ZNF217: variants seen among roughly 807,000 people sequenced by gnomAD.
ZNF217 encodes the protein zinc finger protein 217.
A neutral mutation model predicts 73.3 loss-of-function variants in ZNF217; 12 were observed. The observed-to-expected ratio is 0.16, with a 90% CI of 0.10 to 0.27. The LOEUF (loss-of-function observed/expected upper bound fraction) is 0.27, where lower values mean the gene tolerates loss of function less well. ZNF217 is among the 10% of genes least tolerant of loss of function. ZNF217 has a pLI of 1.00. For missense variants in ZNF217, 1,195 were observed against 1,327.8 expected (o/e 0.90, Z 1.55); for synonymous variants, 588 against 516.4 (o/e 1.14, Z -1.88).
At position 53,567,431 on chromosome 20, in the gene ZNF217, A is replaced by C. The variant is rs538278367; in HGVS notation, c.*1857T>G. The C allele has an allele frequency of 6.6e-6, 1 of 152,636 alleles. No homozygotes were observed. The highest frequency in any genetic ancestry group is 2.4e-5 in the African/African-American group (1 of 41,448). The allele number at this position is 152,636 out of a possible 1,614,324, so 9.5% of individuals were successfully genotyped here. Reference sequence around the variant, plus strand: ...ATCTGAAAGCCCAAAAAATTCCAGCATAATACAAATCGACTTGTTTTCAAA... The same window carrying C: ...ATCTGAAAGCCCAAAAAATTCCAGCCTAATACAAATCGACTTGTTTTCAAA... On this transcript the variant is annotated 3_prime_UTR_variant, in exon 6 of 6. Coordinates refer to ENST00000371471, the MANE Select transcript of ZNF217 (RefSeq NM_006526.3).
intron 1 of ZNF217, among the ~76,000 whole-genome samples, chr20:53,593,382 T>C (rs1212824835): frequency 2.6e-5 from 4 of 151,624 alleles, no homozygotes; most frequent in South Asian, 2.1e-4. Context: ...ACTGGGCAAA[T>C]TGGGAGACCC....
At chr20:53,591,410 A>T (rs1240392387) in intron 1 of ZNF217, among the ~76,000 whole-genome samples, 1 of 152,368 alleles carries the variant, frequency 6.6e-6, no homozygotes, top group Middle Eastern at 3.4e-3. Flanking sequence ...CATCACGCCA[A>T]ATCATTAAAA....
chr20:53,573,930 G>A (rs1465385803), intron 4 of ZNF217, among the ~76,000 whole-genome samples: 1 of 152,022 alleles, frequency 6.6e-6, no homozygotes, highest in Non-Finnish European at 1.5e-5. Flanking sequence ...AATTAGGCTG[G>A]CGTGGCGGTG....
chr20:53,577,309 G>T (rs1237806265), intron 3 of ZNF217, 29 bp from the exon 4 acceptor site: 4 of 1,564,814 alleles, frequency 2.6e-6, no homozygotes, highest in Non-Finnish European at 3.5e-6. Flanking sequence ...CTTTATTATA[G>T]AAGTGTATGA....
chr20:53,576,980 G>T lies in ZNF217; in HGVS notation c.1784C>A (p.Ala595Glu). Residue 595 changes from alanine to glutamate, a missense_variant, in exon 4 of 6, where the codon GCA becomes GAA. By Grantham distance (107) the Ala-to-Glu change is moderately radical (BLOSUM62 -1). Around this residue, in one of 9 missense-constraint regions of ZNF217, gnomAD observed 649 missense variants for 642.8 expected, o/e 1.01. Transcript: ENST00000371471. The stretch of plus-strand genomic sequence containing the variant: ...ATGGAAATCCTGAGTATCTTTGTGT[G>T]CTGGTGAGAGGACAGCGCTGCCCAG... ...NVLGSAVLSPAHKDTQDFHKN... is the reference protein window; with the variant it reads ...NVLGSAVLSPEHKDTQDFHKN... The T allele has an allele frequency of 6.2e-7, 1 of 1,614,200 alleles. No individual in the cohort carries two copies. The highest frequency in any genetic ancestry group is 8.5e-7 in the Non-Finnish European group (1 of 1,180,040).
intron 1 of ZNF217, among the ~76,000 whole-genome samples, chr20:53,592,634 C>G (rs1480427599): frequency 1.3e-5 from 2 of 151,588 alleles, no homozygotes; most frequent in African/African-American, 4.8e-5. Context: ...CAGGTTCCGG[C>G]GCGCGCCCCG....
Position 53,582,032 on chromosome 20 carries a change from G to A in ZNF217, c.795C>T (p.Phe265=). 6.2e-7 allele frequency: 1 copy of A among 1,614,208 alleles called. No individual in the cohort carries two copies. The change falls in exon 2 of 6, where the codon TTC becomes TTT. Residue 265 remains phenylalanine (F), a synonymous_variant. Coordinates refer to ENST00000371471, the MANE Select transcript of ZNF217 (RefSeq NM_006526.3). This position sits in a 1 kb window ranked among gnomAD's most constrained non-coding sequence, Gnocchi z 4.8. ...QGGMPSSRED[F]LQLFNLRPKS... ...TTGGTCTCAAGTTGAACAACTGCAGGAAGTCCTCCCTCGAGGACGGCATTC... is the reference window on the plus strand; with the variant it reads ...TTGGTCTCAAGTTGAACAACTGCAGAAAGTCCTCCCTCGAGGACGGCATTC...
rs2145912457 is a variant in ZNF217 at position 53,568,027 on chromosome 20, T to C, written c.*1261A>G. 1 of 152,682 alleles carries C rather than the reference T, an allele frequency of 6.5e-6. No individual in the cohort carries two copies. The highest frequency in any genetic ancestry group is 2.4e-5 in the African/African-American group (1 of 41,576). The allele number at this position is 152,682 out of a possible 1,614,324, so 9.5% of individuals were successfully genotyped here. Reference sequence around the variant, plus strand: ...AGTTTAAAATATCTAGGAAGCCAGCTGGTGGCCATCTTCTCTAAAACCCAA... The same window carrying C: ...AGTTTAAAATATCTAGGAAGCCAGCCGGTGGCCATCTTCTCTAAAACCCAA... On this transcript the variant is annotated 3_prime_UTR_variant, in exon 6 of 6. Transcript: ENST00000371471.
intron 2 of ZNF217, among the ~76,000 whole-genome samples, chr20:53,580,231 C>T (rs1988434910): frequency 6.6e-6 from 1 of 152,186 alleles, no homozygotes. Context: ...CTGGCACTGG[C>T]TGAAGAGCAG....
In ZNF217 at chr20:53,576,230, G is replaced by A; in HGVS notation, c.2534C>T (p.Thr845Ile). 6.2e-7 allele frequency: 1 copy of A among 1,614,242 alleles called. No homozygotes were observed. Reference sequence around the variant, plus strand: ...CTTATCCGGTGCAGGGGAAACACTGGTTTTAGGAAACATCTCAGATTGCTG... The same window carrying A: ...CTTATCCGGTGCAGGGGAAACACTGATTTTAGGAAACATCTCAGATTGCTG... Reference protein sequence around the residue: ...RQQQSEMFPKTSVSPAPDKTK... With the variant: ...RQQQSEMFPKISVSPAPDKTK... The change falls in exon 4 of 6, where the codon ACC becomes ATC. Residue 845 changes from threonine to isoleucine, a missense_variant. Around this residue, in one of 9 missense-constraint regions of ZNF217, gnomAD observed 649 missense variants for 642.8 expected, o/e 1.01. Transcript: ENST00000371471.
At chr20:53,596,916 A>C (rs1989050069), upstream of ZNF217, among the ~76,000 whole-genome samples, 1 of 152,094 alleles carries the variant, frequency 6.6e-6, no homozygotes. Context: ...ATTTTTCACA[A>C]TCATCCAAAC....
At position 53,582,746 on chromosome 20, in the gene ZNF217, A is replaced by G; in HGVS notation, c.81T>C (p.Ser27=). ...YMDGPEVIGS[S]LGSPMEMEDA... ...CCTCCATCTCCATCGGACTGCCAAG[A>G]GAGCTGCCAATCACTTCTGGCCCAT... Residue 27 remains serine, a synonymous_variant, in exon 2 of 6, where the codon TCT becomes TCC. Transcript: ENST00000371471. The surrounding 1 kb of genome is among the most constrained non-coding windows in gnomAD (Gnocchi z 4.8). 6.2e-7 allele frequency: 1 copy of G among 1,614,168 alleles called. No individual in the cohort carries two copies. Among genetic ancestry groups the G allele is most frequent in the South Asian group, 1.1e-5 (1 of 91,082 alleles).
chr20:53,584,045 T>C (rs1036535505), intron 1 of ZNF217, among the ~76,000 whole-genome samples: 2 of 152,236 alleles, frequency 1.3e-5, no homozygotes, highest in Admixed American at 6.5e-5. Flanking sequence ...TTTTTTAATC[T>C]ACCTTTCACA....
At chr20:53,572,293 T>A (rs1276081831) in intron 4 of ZNF217, among the ~76,000 whole-genome samples, 2 of 152,028 alleles carry the variant, frequency 1.3e-5, no homozygotes, top group East Asian at 3.9e-4. Flanking sequence ...TAGTCCCAGC[T>A]ACTCGGGAGG....
At chr20:53,594,012 G>A (rs1264480572), upstream of ZNF217, among the ~76,000 whole-genome samples, 1 of 151,298 alleles carries the variant, frequency 6.6e-6, no homozygotes, top group Non-Finnish European at 1.5e-5. Context: ...CCGCCGAGGA[G>A]CCTAGTGCCT....
upstream of ZNF217, among the ~76,000 whole-genome samples, chr20:53,594,287 G>T (rs963570834): frequency 6.6e-6 from 1 of 151,242 alleles, no homozygotes; most frequent in South Asian, 2.1e-4. Context: ...CAGCTGTTGC[G>T]CCCTCCCTCG....
upstream of ZNF217, chr20:53,593,983 G>C (rs1385699135): frequency 6.6e-6 from 1 of 151,668 alleles, no homozygotes; most frequent in Non-Finnish European, 1.5e-5. Flanking sequence ...GGGGAGCCGC[G>C]GGCGAGGGGT....
At chr20:53,594,325 C>G (rs1988997304), upstream of ZNF217, among the ~76,000 whole-genome samples, 1 of 146,280 alleles carries the variant, frequency 6.8e-6, no homozygotes, top group African/African-American at 2.5e-5. Context: ...CGCCCCGCCC[C>G]CTGCCTTCAC....
At chr20:53,588,433 T>A (rs981906209) in intron 1 of ZNF217, among the ~76,000 whole-genome samples, 18 of 152,148 alleles carry the variant, frequency 1.2e-4, no homozygotes, top group African/African-American at 3.9e-4. Context: ...TACTACTACT[T>A]AACCAGTACA....
Sources: allele counts gnomAD v4.1 joint callset (sites outside exome capture counted in the v4.1 genomes callset), GRCh38; gene constraint gnomAD v4.1.1; regional missense constraint gnomAD v4.1.1; non-coding constraint Gnocchi (gnomAD v3.1); transcripts MANE v1.5; gene names NCBI Gene and HGNC (gene_info 2026-07-23, HGNC 2026-07-21).